The following SNX6 variants were observed in gnomAD, a reference collection of about 807,000 sequenced individuals.
The protein encoded by SNX6 is sorting nexin 6.
A neutral mutation model predicts 63.0 loss-of-function variants in SNX6; 34 were observed. The ratio of observed to expected loss-of-function variants is 0.54; its 90% CI spans 0.41 to 0.72. The LOEUF (loss-of-function observed/expected upper bound fraction) is 0.72, where lower values mean the gene tolerates loss of function less well. SNX6 is among the 30% of genes least tolerant of loss of function. SNX6 has a pLI of 0.00. For missense variants in SNX6, 398 were observed against 471.4 expected (o/e 0.84, Z 1.44); for synonymous variants, 170 against 164.2 (o/e 1.04, Z -0.27).
intron 7 of SNX6, among the ~76,000 whole-genome samples, chr14:34,597,246 CA>C (rs1272196342): frequency 6.6e-6 from 1 of 152,152 alleles, no homozygotes; most frequent in Non-Finnish European, 1.5e-5. Flanking sequence ...ATAGGAACTG[CA>C]AGGCTTGGGA....
At chr14:34,581,914 T>C (rs4258505) in intron 9 of SNX6, among the ~76,000 whole-genome samples, 132,158 of 152,002 alleles carry the variant, frequency 0.87, 57,536 homozygotes, top group Non-Finnish European at 0.88. Flanking sequence ...CTGTAACCTC[T>C]GCCTCCCGAG....
chr14:34,563,017 G>T lies in SNX6; in HGVS notation c.*105C>A. The T allele has an allele frequency of 8.5e-7, 1 of 1,177,840 alleles. No homozygotes were observed. The highest frequency in any genetic ancestry group is 1.2e-6 in the Non-Finnish European group (1 of 805,422). 73.0% of individuals were successfully genotyped at this position (1,177,840 alleles called of 1,614,324 possible). ...GAGGAGTTGATGCACTTTTTCAGCT[G>T]CTTTTTGTTTGTTTCCAGTGAGCAT... On this transcript the variant is annotated 3_prime_UTR_variant, in exon 14 of 14. Coordinates refer to ENST00000362031, the MANE Select transcript of SNX6 (RefSeq NM_152233.4).
intron 2 of SNX6, among the ~76,000 whole-genome samples, chr14:34,627,655 A>G (rs553627272): frequency 4.7e-4 from 71 of 152,044 alleles, no homozygotes; most frequent in African/African-American, 1.6e-3. Context: ...ATGCCCAGCT[A>G]ATTTTTGTAT....
chr14:34,593,779 CACA>C (rs1349352070), intron 7 of SNX6, among the ~76,000 whole-genome samples: 1 of 151,542 alleles, frequency 6.6e-6, no homozygotes, highest in African/African-American at 2.4e-5. Flanking sequence ...AGGGTTTCAC[CACA>C]TTGGTCATGC....
At chr14:34,565,892 T>C (rs1227714762) in intron 13 of SNX6, among the ~76,000 whole-genome samples, 1 of 151,986 alleles carries the variant, frequency 6.6e-6, no homozygotes, top group African/African-American at 2.4e-5. Flanking sequence ...GGTTCCACCG[T>C]GTTAGCCAGG....
chr14:34,603,512 A>G (rs1309047848), intron 5 of SNX6, 41 bp from the exon 6 acceptor site: 5 of 1,503,912 alleles, frequency 3.3e-6, no homozygotes, highest in Non-Finnish European at 4.4e-6. Context: ...AAACTCCATC[A>G]ACTAAAAAGT....
At chr14:34,582,130 A>ACT (rs1316470321) in intron 9 of SNX6, among the ~76,000 whole-genome samples, 6 of 115,404 alleles carry the variant, frequency 5.2e-5, no homozygotes, top group Admixed American at 3.8e-4. Flanking sequence ...CCCGGCCCTG[A>ACT]TTTTTTTTTT....
In SNX6 at chr14:34,598,076, T is replaced by C. The variant is rs576804280; in HGVS notation, c.517-431A>G. Among the ~76,000 whole-genome samples, 149 of 152,308 alleles carry C rather than the reference T, an allele frequency of 9.8e-4. 1 individual carries two copies. The highest frequency in any genetic ancestry group is 3.6e-3 in the African/African-American group (148 of 41,570). ...TATGATTCCGCAATAACTCTGAATA[T>C]ATATCCTATACATTTGGAACTCTGA... On this transcript the variant is annotated intron_variant, in intron 6 of 13. Transcript: ENST00000362031.
chr14:34,627,050 T>G (rs1293000004), intron 2 of SNX6, among the ~76,000 whole-genome samples: 1 of 152,190 alleles, frequency 6.6e-6, no homozygotes, highest in African/African-American at 2.4e-5. Flanking sequence ...GACCTCACTC[T>G]GTCACCCTGG....
intron 3 of SNX6, among the ~76,000 whole-genome samples, chr14:34,608,963 G>A (rs187686796): frequency 1.4e-4 from 21 of 152,168 alleles, no homozygotes; most frequent in Admixed American, 1.4e-3. Flanking sequence ...AGGAGGCAGA[G>A]GTTGCAGTGA....
intron 2 of SNX6, chr14:34,629,516 G>T: frequency 2.0e-6 from 1 of 499,932 alleles, no homozygotes; most frequent in South Asian, 1.5e-5. Context: ...TGTCCACACC[G>T]GGTGAAAATT....
chr14:34,564,145 A>G (rs1308182895), intron 13 of SNX6, among the ~76,000 whole-genome samples: 2 of 152,120 alleles, frequency 1.3e-5, no homozygotes, highest in Admixed American at 1.3e-4. Flanking sequence ...CTTCTGGCTC[A>G]GCCTGCTGAG....
intron 2 of SNX6, among the ~76,000 whole-genome samples, chr14:34,629,240 A>G (rs1244797118): frequency 1.3e-5 from 2 of 152,146 alleles, no homozygotes; most frequent in Non-Finnish European, 2.9e-5. Context: ...GTATACCTTA[A>G]GTATATACAA....
intron 6 of SNX6, among the ~76,000 whole-genome samples, chr14:34,600,480 G>A (rs1014316959): frequency 6.7e-6 from 1 of 149,110 alleles, no homozygotes; most frequent in African/African-American, 2.5e-5. Context: ...GTCTCACTAT[G>A]TTGCCCAGGC....
intron 2 of SNX6, among the ~76,000 whole-genome samples, chr14:34,613,041 CAA>C (rs34313201): frequency 3.4e-5 from 4 of 117,840 alleles, no homozygotes; most frequent in Non-Finnish European, 7.1e-5. Flanking sequence ...AGACTCTATC[CAA>C]AAAAAAAAAA....
At chr14:34,565,235 G>C (rs1016604846) in intron 13 of SNX6, among the ~76,000 whole-genome samples, 21 of 151,728 alleles carry the variant, frequency 1.4e-4, no homozygotes, top group Non-Finnish European at 1.0e-4. Flanking sequence ...CCGCCACCAC[G>C]CCCGGCTAAT....
At chr14:34,596,686 C>A (rs1430182080) in intron 7 of SNX6, among the ~76,000 whole-genome samples, 3 of 150,388 alleles carry the variant, frequency 2.0e-5, no homozygotes, top group African/African-American at 7.3e-5. Context: ...AAGAAAGTAA[C>A]TTTTCCCAAG....
At chr14:34,572,313 C>T (rs1881483035) in intron 11 of SNX6, among the ~76,000 whole-genome samples, 1 of 152,234 alleles carries the variant, frequency 6.6e-6, no homozygotes, top group South Asian at 2.1e-4. Context: ...AATCCCAACA[C>T]CTTGGGAGGC....
At chr14:34,584,059 CTGG>C (rs1003776743) in intron 9 of SNX6, among the ~76,000 whole-genome samples, 11 of 152,128 alleles carry the variant, frequency 7.2e-5, no homozygotes, top group African/African-American at 2.6e-4. Flanking sequence ...GTTGGTCAGG[CTGG>C]TCTCCAACTC....
Sources: allele counts gnomAD v4.1 joint callset (sites outside exome capture counted in the v4.1 genomes callset), GRCh38; gene constraint gnomAD v4.1.1; transcripts MANE v1.5; gene names NCBI Gene and HGNC (gene_info 2026-07-23, HGNC 2026-07-21).